MINAR1: variants seen among roughly 807,000 people sequenced by gnomAD.
The protein encoded by MINAR1 is membrane integral NOTCH2 associated receptor 1.
Under a neutral mutation model 65.1 loss-of-function variants are expected in MINAR1, and 40 were observed. The ratio of observed to expected loss-of-function variants is 0.61; its 90% CI spans 0.48 to 0.80. MINAR1 has a LOEUF of 0.80. Ranked by LOEUF, MINAR1 falls within the 30% of genes least tolerant of loss-of-function variation. The pLI is 0.00. For synonymous variants in MINAR1, 482 were observed against 449.1 expected, an observed-to-expected ratio of 1.07 and a Z score of -0.93; for missense variants, 1,128 against 1,148.0, an observed-to-expected ratio of 0.98 and a Z score of 0.25.
chr15:79,444,185 A>G (rs1353364574), intron 1 of MINAR1, among the ~76,000 whole-genome samples: 1 of 152,212 alleles, frequency 6.6e-6, no homozygotes, highest in Non-Finnish European at 1.5e-5. Context: ...AATTAGTATC[A>G]TATTAGTTCC....
In MINAR1 at chr15:79,463,222, C is replaced by A. The variant is rs377733940; in HGVS notation, c.2454C>A (p.Thr818=). The A allele has an allele frequency of 6.2e-7, 1 of 1,614,222 alleles. No homozygotes were observed. Among genetic ancestry groups the A allele is most frequent in the African/African-American group, 1.3e-5 (1 of 75,060 alleles). ...CCCTGTACACAGACATGCGGCTGACCGAGTTGGCCGAGGTGAAGCGGGGCC... is the reference window on the plus strand; with the variant it reads ...CCCTGTACACAGACATGCGGCTGACAGAGTTGGCCGAGGTGAAGCGGGGCC... ...SNPLYTDMRL[T]ELAEVKRGQP... Residue 818 remains threonine (T), a synonymous_variant, in exon 3 of 4, where the codon ACC becomes ACA. Coordinates refer to ENST00000305428, the MANE Select transcript of MINAR1 (RefSeq NM_015206.3).
chr15:79,456,814 G>A lies in MINAR1; in HGVS notation c.667G>A (p.Glu223Lys), dbSNP rs1334176312. The change falls in exon 2 of 4, where the codon GAG becomes AAG. Residue 223 changes from glutamate to lysine, a missense_variant. Coordinates refer to ENST00000305428, the MANE Select transcript of MINAR1 (RefSeq NM_015206.3). ...RTYFPMNIEN[E>K]SISDQDSLPI... ...CTACTTCCCCATGAACATCGAAAAC[G>A]AGTCCATTTCAGACCAGGACTCCCT... is the stretch of plus-strand genomic sequence containing the variant. 15 of 1,614,004 alleles carry A rather than the reference G, an allele frequency of 9.3e-6. No individual in the cohort carries two copies. Among genetic ancestry groups the A allele is most frequent in the South Asian group, 7.7e-5 (7 of 91,078 alleles).
chr15:79,464,874 C>G (rs1483929023), intron 3 of MINAR1, among the ~76,000 whole-genome samples: 3 of 130,238 alleles, frequency 2.3e-5, no homozygotes, highest in Non-Finnish European at 4.9e-5. Flanking sequence ...ATTTGATTCT[C>G]CCTCCGGTGG....
intron 1 of MINAR1, among the ~76,000 whole-genome samples, chr15:79,436,852 G>A (rs368640200): frequency 4.6e-5 from 7 of 152,316 alleles, no homozygotes; most frequent in South Asian, 2.1e-4. Context: ...ACTTCATACT[G>A]CAAAAACTCT....
At chr15:79,463,791 G>A (rs943524775) in intron 3 of MINAR1, 18 of 455,658 alleles carry the variant, frequency 4.0e-5, no homozygotes, top group African/African-American at 1.2e-4. Flanking sequence ...CTCTGTGAAT[G>A]CAGTTGTGGC....
chr15:79,426,884 A>G, the MINAR1 span: 1 of 152,224 alleles, frequency 6.6e-6, no homozygotes, highest in East Asian at 1.9e-4. Flanking sequence ...AGAAGTTTAT[A>G]ATTCCTACCA....
chr15:79,446,421 A>G (rs1895018280), intron 1 of MINAR1, among the ~76,000 whole-genome samples: 1 of 152,112 alleles, frequency 6.6e-6, no homozygotes, highest in African/African-American at 2.4e-5. Flanking sequence ...AATATGAGTT[A>G]TAAACTCTGA....
At chr15:79,441,482 G>A (rs983973288) in intron 1 of MINAR1, among the ~76,000 whole-genome samples, 2 of 151,834 alleles carry the variant, frequency 1.3e-5, no homozygotes, top group African/African-American at 4.9e-5. Flanking sequence ...TGGCTACAAA[G>A]ATTATTGCTA....
At chr15:79,461,386 T>C (rs530545125) in intron 2 of MINAR1, among the ~76,000 whole-genome samples, 1 of 152,336 alleles carries the variant, frequency 6.6e-6, no homozygotes, top group East Asian at 1.9e-4. Context: ...AGCAGAGTGG[T>C]GGACACATAG....
Position 79,468,230 on chromosome 15 carries a change from A to AAGAC in MINAR1, c.2599_2602dup (p.Ile868ArgfsTer14). ...CCAAATAATTTAGAGTACTGGATGGAAGACATTTATACTCCAGGATACGAT... is the reference window on the plus strand; with the variant it reads ...CCAAATAATTTAGAGTACTGGATGGAAGACAGACATTTATACTCCAGGATACGAT... On this transcript the variant is annotated frameshift_variant, in exon 4 of 4. Coordinates refer to ENST00000305428, the MANE Select transcript of MINAR1 (RefSeq NM_015206.3). LOFTEE classifies it high-confidence loss of function. The AAGAC allele has an allele frequency of 6.2e-7, 1 of 1,614,132 alleles. No homozygotes were observed. The highest frequency in any genetic ancestry group is 8.5e-7 in the Non-Finnish European group (1 of 1,179,990).
At chr15:79,414,164 G>A in the MINAR1 span, 1 of 152,164 alleles carries the variant, frequency 6.6e-6, no homozygotes, top group East Asian at 1.9e-4. Flanking sequence ...TATTTGTTAT[G>A]TGCTGTGCTG....
Position 79,456,471 on chromosome 15 carries a change from C to T in MINAR1, c.324C>T (p.Gly108=). ...CTGCCAAGGAGAAGCTGCCCACGGG[C>T]CGCCAGAAGGTACGCAAGAAGGAGG... ...GGAAKEKLPT[G]RQKVRKKEAS... Residue 108 remains glycine (G), a synonymous_variant, in exon 2 of 4, where the codon GGC becomes GGT. Transcript: ENST00000305428. 6.2e-7 allele frequency: 1 copy of T among 1,614,070 alleles called. No individual in the cohort carries two copies.
chr15:79,423,749 T>G, the MINAR1 span: 3 of 152,364 alleles, frequency 2.0e-5, no homozygotes, highest in East Asian at 5.8e-4. Context: ...CTTTGTAACC[T>G]TAGGGAAATA....
intron 3 of MINAR1, among the ~76,000 whole-genome samples, chr15:79,463,527 C>T (rs1895729515): frequency 6.6e-6 from 1 of 152,204 alleles, no homozygotes; most frequent in Non-Finnish European, 1.5e-5. Context: ...TATTTGTAAA[C>T]ATTTAGCAGT....
intron 2 of MINAR1, among the ~76,000 whole-genome samples, chr15:79,461,536 G>A (rs776125420): frequency 2.6e-5 from 4 of 152,180 alleles, no homozygotes; most frequent in Non-Finnish European, 5.9e-5. Context: ...AGCAAAAACT[G>A]GTGAAGTCTC....
At chr15:79,433,785 G>A (rs1447159270) in intron 1 of MINAR1, among the ~76,000 whole-genome samples, 1 of 152,174 alleles carries the variant, frequency 6.6e-6, no homozygotes, top group African/African-American at 2.4e-5. Flanking sequence ...TACTGGGCCC[G>A]CCCTGCAGGT....
At chr15:79,462,935 T>C in intron 2 of MINAR1, 132 bp from the exon 3 acceptor site, 1 of 925,638 alleles carries the variant, frequency 1.1e-6, no homozygotes, top group Non-Finnish European at 1.6e-6. Flanking sequence ...GCTTTCATAC[T>C]TTTGATTTGG....
intron 1 of MINAR1, among the ~76,000 whole-genome samples, chr15:79,436,775 G>A (rs1894610165): frequency 6.6e-6 from 1 of 152,198 alleles, no homozygotes; most frequent in African/African-American, 2.4e-5. Flanking sequence ...GATGCTCTGA[G>A]CATTGTTCCA....
chr15:79,456,093 C>T lies in MINAR1; in HGVS notation c.-50-5C>T. ...CTCCTCTCTTTCTCAATATTGCCAC[C>T]ACAGAACTGACCTGAAGTTTCAGTG... On this transcript the variant is annotated splice_polypyrimidine_tract_variant and splice_region_variant and intron_variant, in intron 1 of 3. Coordinates refer to ENST00000305428, the MANE Select transcript of MINAR1 (RefSeq NM_015206.3). 6.4e-7 allele frequency: 1 copy of T among 1,565,872 alleles called. No homozygotes were observed.
Sources: gnomAD v4.1 joint callset for allele counts (sites outside exome capture counted in the v4.1 genomes callset) on GRCh38, gnomAD v4.1.1 for gene constraint, MANE v1.5 for transcripts, NCBI Gene and HGNC (gene_info 2026-07-23, HGNC 2026-07-21) for gene names.